SERPINH1: variants seen among roughly 807,000 people sequenced by gnomAD.
The protein encoded by SERPINH1 is serpin family H member 1.
Under a neutral mutation model 32.3 loss-of-function variants are expected in SERPINH1, and 22 were observed. The ratio of observed to expected loss-of-function variants is 0.68; its 90% CI spans 0.49 to 0.97. The LOEUF is 0.97. Among genes scored for constraint, SERPINH1 ranks in the 50% least tolerant of loss-of-function variants. The probability of loss-of-function intolerance (pLI) is 0.00; values close to 1 mark genes in which losing one functional copy is unlikely to be tolerated. For missense variants in SERPINH1, 543 were observed against 576.4 expected (o/e 0.94, Z 0.59); for synonymous variants, 251 against 245.9 (o/e 1.02, Z -0.19).
At chr11:75,568,453 T>C (rs1490361071) in intron 2 of SERPINH1, 6 of 501,392 alleles carry the variant, frequency 1.2e-5, no homozygotes, top group Middle Eastern at 5.5e-4. Flanking sequence ...TAGAGGTGGC[T>C]GACCTGAGGG....
At position 75,571,820 on chromosome 11, in the gene SERPINH1, A is replaced by G. The variant is rs1208775353; in HGVS notation, c.994A>G (p.Lys332Glu). The G allele has an allele frequency of 1.9e-6, 3 of 1,614,094 alleles. No individual in the cohort carries two copies. The highest frequency in any genetic ancestry group is 2.2e-5 in the East Asian group (1 of 44,878). ...GCTGGGCCTGACTGAGGCCATTGAC[A>G]AGAACAAGGCCGACTTGTCACGCAT... ...AGLGLTEAID[K>E]NKADLSRMSG... Residue 332 changes from lysine to glutamate, a missense_variant, in exon 5 of 5, where the codon AAG becomes GAG. Around this residue, in one of 3 missense-constraint regions of SERPINH1, gnomAD observed 427 missense variants for 446.4 expected, o/e 0.96. Transcript: ENST00000358171.
Position 75,566,821 on chromosome 11 carries a change from C to G in SERPINH1, c.472C>G (p.His158Asp). 1.2e-6 allele frequency: 2 copies of G among 1,613,026 alleles called. No individual in the cohort carries two copies. The highest frequency in any genetic ancestry group is 1.7e-6 in the Non-Finnish European group (2 of 1,179,964). Residue 158 changes from histidine (H) to aspartate (D), a missense_variant, in exon 2 of 5, where the codon CAC (histidine) becomes GAC (aspartate). Coordinates refer to ENST00000358171, the MANE Select transcript of SERPINH1 (RefSeq NM_001235.5). ...RSSKQHYNCE[H>D]SKINFRDKRS... Reference sequence around the variant, plus strand: ...CAGCAAGCAGCACTACAACTGCGAGCACTCCAAGATCAACTTCCGCGACAA... The same window carrying G: ...CAGCAAGCAGCACTACAACTGCGAGGACTCCAAGATCAACTTCCGCGACAA...
At position 75,572,370 on chromosome 11, in the gene SERPINH1, G is replaced by A. The variant is rs1011459464; in HGVS notation, c.*287G>A. ...GCCCTGAAAGTCCCAGATCAAGCCT[G>A]CCTCAATCAGTATTCATATTTATAG... is the stretch of plus-strand genomic sequence containing the variant. On this transcript the variant is annotated 3_prime_UTR_variant, in exon 5 of 5. Transcript: ENST00000358171. 2.0e-6 allele frequency: 1 copy of A among 507,296 alleles called. No homozygotes were observed. The highest frequency in any genetic ancestry group is 1.9e-5 in the African/African-American group (1 of 51,808). The allele number at this position is 507,296 out of a possible 1,614,324, so 31.4% of individuals were successfully genotyped here.
chr11:75,568,124 C>T (rs1318808260), intron 2 of SERPINH1: 2 of 165,368 alleles, frequency 1.2e-5, no homozygotes, highest in African/African-American at 4.8e-5. Flanking sequence ...TGGCGAAACC[C>T]CATGTCTACA....
chr11:75,565,676 C>T (rs603647), intron 1 of SERPINH1, among the ~76,000 whole-genome samples: 60,906 of 152,022 alleles, frequency 0.4, 14,333 homozygotes, highest in Non-Finnish European at 0.55. Context: ...ATCTTGGCTC[C>T]CCATTTAATG....
chr11:75,566,699 C>G lies in SERPINH1; in HGVS notation c.350C>G (p.Ser117Ter), dbSNP rs571009837. The change falls in exon 2 of 5, where the codon TCA becomes TGA. Residue 117 changes from serine to a stop codon, truncating the protein, a stop_gained. Transcript: ENST00000358171. LOFTEE classifies it high-confidence loss of function. ...VHAGLGELLR[S>*]LSNSTARNVT... is the part of the protein sequence containing the mutation. ...GCCGGCCTGGGCGAGCTGCTGCGCT[C>G]ACTCAGCAACTCCACGGCGCGCAAC... is the stretch of plus-strand genomic sequence containing the variant. The G allele has an allele frequency of 1.2e-6, 2 of 1,611,148 alleles. No homozygotes were observed. The highest frequency in any genetic ancestry group is 1.7e-5 in the Admixed American group (1 of 59,714).
chr11:75,568,481 CAT>C (rs1942131377), intron 2 of SERPINH1: 3 of 551,956 alleles, frequency 5.4e-6, no homozygotes, highest in Non-Finnish European at 9.9e-6. Context: ...AATTCTCTAT[CAT>C]ATGGGAGCAG....
intron 1 of SERPINH1, among the ~76,000 whole-genome samples, chr11:75,565,862 A>G (rs1942064667): frequency 6.6e-6 from 1 of 152,198 alleles, no homozygotes; most frequent in South Asian, 2.1e-4. Flanking sequence ...ATGTGAGATC[A>G]GGGCTGACCA....
chr11:75,568,878 T>C, intron 3 of SERPINH1, 49 bp downstream of exon 3: 9 of 1,603,942 alleles, frequency 5.6e-6, no homozygotes, highest in Non-Finnish European at 6.8e-6. Context: ...GGTCCAAGGG[T>C]AGTTGGTCTG....
At chr11:75,564,236 A>G (rs575900054) in intron 1 of SERPINH1, among the ~76,000 whole-genome samples, 3 of 152,366 alleles carry the variant, frequency 2.0e-5, no homozygotes, top group Admixed American at 1.3e-4. Context: ...CGTCACCACC[A>G]GGAGCAGGCG....
chr11:75,570,016 T>A (rs916736572), intron 4 of SERPINH1, among the ~76,000 whole-genome samples: 15 of 151,646 alleles, frequency 9.9e-5, no homozygotes, highest in African/African-American at 2.7e-4. Flanking sequence ...ACACACATTC[T>A]CAAGATTCTC....
chr11:75,572,256 C>A lies in SERPINH1; in HGVS notation c.*173C>A. The stretch of plus-strand genomic sequence containing the variant: ...TGAGCGGACCTTCCCAGCTAGAATT[C>A]ACTCCACTTGGACATGGGCCCCAGA... On this transcript the variant is annotated 3_prime_UTR_variant, in exon 5 of 5. Transcript: ENST00000358171. 2 of 687,124 alleles carry A rather than the reference C, an allele frequency of 2.9e-6. No individual in the cohort carries two copies. The highest frequency in any genetic ancestry group is 5.2e-6 in the Non-Finnish European group (2 of 385,466). 42.6% of individuals were successfully genotyped at this position (687,124 alleles called of 1,614,324 possible).
At chr11:75,569,204 C>A (rs1444423659) in intron 4 of SERPINH1, 33 bp downstream of exon 4, 2 of 1,522,150 alleles carry the variant, frequency 1.3e-6, no homozygotes, top group Admixed American at 1.9e-5. Context: ...GGCCTGCAGG[C>A]CTTGGAGCCA....
At chr11:75,568,880 G>A in intron 3 of SERPINH1, 51 bp downstream of exon 3, 1 of 1,604,624 alleles carries the variant, frequency 6.2e-7, no homozygotes, top group Admixed American at 1.7e-5. Context: ...TCCAAGGGTA[G>A]TTGGTCTGAC....
chr11:75,572,114 G>A lies in SERPINH1; in HGVS notation c.*31G>A, dbSNP rs767339248. 1.9e-6 allele frequency: 3 copies of A among 1,606,002 alleles called. No homozygotes were observed. Among genetic ancestry groups the A allele is most frequent in the Non-Finnish European group, 2.6e-6 (3 of 1,173,658 alleles). On this transcript the variant is annotated 3_prime_UTR_variant, in exon 5 of 5. Coordinates refer to ENST00000358171, the MANE Select transcript of SERPINH1 (RefSeq NM_001235.5). ...CAGGGTGCACACAGGATGGCAGGAGGCATCCAAAGGCTCCTGAGACACATG... is the reference window on the plus strand; with the variant it reads ...CAGGGTGCACACAGGATGGCAGGAGACATCCAAAGGCTCCTGAGACACATG...
Sources: allele counts gnomAD v4.1 joint callset (sites outside exome capture counted in the v4.1 genomes callset), GRCh38; gene constraint gnomAD v4.1.1; regional missense constraint gnomAD v4.1.1; transcripts MANE v1.5; gene names NCBI Gene and HGNC (gene_info 2026-07-23, HGNC 2026-07-21).